Variants in DONSON observed in about 807,000 individuals in gnomAD.
DONSON encodes DNA replication fork stabilization factor DONSON.
Under a neutral mutation model 62.1 loss-of-function variants are expected in DONSON, and 43 were observed. The observed-to-expected ratio is 0.69, with a 90% confidence interval of 0.54 to 0.89. DONSON has a LOEUF of 0.89. Among genes scored for constraint, DONSON ranks in the 40% least tolerant of loss-of-function variants. The pLI is 0.00. For synonymous variants in DONSON, 266 were observed against 264.6 expected, an observed-to-expected ratio of 1.01 and a Z score of -0.05; for missense variants, 696 against 697.5, an observed-to-expected ratio of 1.00 and a Z score of 0.03.
At position 33,578,117 on chromosome 21, in the gene DONSON, CTGAG is replaced by C. The variant is rs2086457145; in HGVS notation, c.*186_*189del. On this transcript the variant is annotated 3_prime_UTR_variant, in exon 10 of 10. Transcript: ENST00000303071. ...GATATAGATATCTCATTTGAGTTAT[CTGAG>C]TTTTTCATCTTTATATCTAAAAATC... is the stretch of plus-strand genomic sequence containing the variant. 1 of 565,226 alleles carries C rather than the reference CTGAG, an allele frequency of 1.8e-6. No individual in the cohort carries two copies. Among genetic ancestry groups the C allele is most frequent in the Admixed American group, 3.4e-5 (1 of 29,462 alleles). The allele number at this position is 565,226 out of a possible 1,614,324, so 35.0% of individuals were successfully genotyped here.
At chr21:33,585,150 A>C (rs960594454) in intron 3 of DONSON, among the ~76,000 whole-genome samples, 3 of 152,158 alleles carry the variant, frequency 2.0e-5, no homozygotes, top group African/African-American at 7.2e-5. Context: ...AAATCATCCT[A>C]ATCTATTTAT....
At position 33,579,581 on chromosome 21, in the gene DONSON, A is replaced by T. The variant is rs756315629; in HGVS notation, c.1351-19T>A. The T allele has an allele frequency of 8.1e-6, 13 of 1,604,204 alleles. No homozygotes were observed. Among genetic ancestry groups the T allele is most frequent in the Non-Finnish European group, 9.4e-6 (11 of 1,172,926 alleles). On this transcript the variant is annotated intron_variant, in intron 8 of 9. Transcript: ENST00000303071. Reference sequence around the variant, plus strand: ...TCCGTGCCTTCATGAAAATGTAAAGAAAAGGAAAATTAAGATCATCTCTCA... The same window carrying T: ...TCCGTGCCTTCATGAAAATGTAAAGTAAAGGAAAATTAAGATCATCTCTCA...
chr21:33,588,385 C>T lies in DONSON; in HGVS notation c.257G>A (p.Arg86Gln). 7.7e-7 allele frequency: 1 copy of T among 1,295,100 alleles called. No individual in the cohort carries two copies. Among genetic ancestry groups the T allele is most frequent in the Non-Finnish European group, 9.7e-7 (1 of 1,026,454 alleles). The allele number at this position is 1,295,100 out of a possible 1,614,324, so 80.2% of individuals were successfully genotyped here. A position where few individuals can be genotyped will look rare whatever the true frequency, so the allele number is the denominator to read the frequency against. ...RRNPFARLDN[R>Q]PRVAAEPPDG... Reference sequence around the variant, plus strand: ...GGGGGGCTCCGCGGCGACCCGCGGTCGGTTGTCCAGGCGGGCGAAGGGGTT... The same window carrying T: ...GGGGGGCTCCGCGGCGACCCGCGGTTGGTTGTCCAGGCGGGCGAAGGGGTT... Residue 86 changes from arginine to glutamine, a missense_variant, in exon 1 of 10, where the codon CGA becomes CAA. Arg to Gln is a conservative substitution (Grantham distance 43). Transcript: ENST00000303071.
chr21:33,584,466 G>T (rs2086556017), intron 4 of DONSON, 124 bp downstream of exon 4: 1 of 937,416 alleles, frequency 1.1e-6, no homozygotes, highest in Non-Finnish European at 1.5e-6. Context: ...AATAGGTTCA[G>T]ATAAAATTCA....
At chr21:33,581,062 A>G (rs1601312752) in intron 8 of DONSON, 2 of 369,674 alleles carry the variant, frequency 5.4e-6, no homozygotes, top group Non-Finnish European at 1.0e-5. Flanking sequence ...CAGCCTGGAT[A>G]GCAGCGCAAG....
Position 33,582,046 on chromosome 21 carries a change from G to A in DONSON, c.1056C>T (p.Ala352=), listed in dbSNP as rs747341854. The A allele has an allele frequency of 6.2e-6, 10 of 1,613,926 alleles. No individual in the cohort carries two copies. Among genetic ancestry groups the A allele is most frequent in the Non-Finnish European group, 8.5e-6 (10 of 1,180,002 alleles). Residue 352 remains alanine, a synonymous_variant, in exon 7 of 10, where the codon GCC becomes GCT. Transcript: ENST00000303071. ...GTSLGYGEEQ[A]ISDEDEEESF... Reference sequence around the variant, plus strand: ...TTTCCTCTTCATCCTCATCACTGATGGCTTGCTCCCTAGGAAATTGCTACA... The same window carrying A: ...TTTCCTCTTCATCCTCATCACTGATAGCTTGCTCCCTAGGAAATTGCTACA...
chr21:33,580,792 G>C (rs1190838519), intron 8 of DONSON, among the ~76,000 whole-genome samples: 1 of 151,982 alleles, frequency 6.6e-6, no homozygotes, highest in East Asian at 1.9e-4. Context: ...TGAGGCAGAA[G>C]AATCGCTTGA....
rs2086431883 is a variant in DONSON, at chr21:33,577,601, CCCTACACACACACACACA to C, written c.*688_*705del. 3.6e-5 allele frequency: 4 copies of C among 111,686 alleles called. No individual in the cohort carries two copies. The highest frequency in any genetic ancestry group is 1.1e-4 in the Admixed American group (1 of 9,482). The allele number at this position is 111,686 out of a possible 1,614,324, so 6.9% of individuals were successfully genotyped here. ...TAAAAATGTGAATTATACAGTCCCC[CCCTACACACACACACACA>C]CACACACACACACACACACACACAC... On this transcript the variant is annotated 3_prime_UTR_variant, in exon 10 of 10. Transcript: ENST00000303071.
At position 33,578,094 on chromosome 21, in the gene DONSON, TATAG is replaced by T. The variant is rs1299038514; in HGVS notation, c.*209_*212del. On this transcript the variant is annotated 3_prime_UTR_variant, in exon 10 of 10. Coordinates refer to ENST00000303071, the MANE Select transcript of DONSON (RefSeq NM_017613.4). ...TCAATATACAATTAGGTTGTAGGGATATAGATATCTCATTTGAGTTATCTGAGTT... is the reference window on the plus strand; with the variant it reads ...TCAATATACAATTAGGTTGTAGGGATATATCTCATTTGAGTTATCTGAGTT... 1 of 491,838 alleles carries T rather than the reference TATAG, an allele frequency of 2.0e-6. No homozygotes were observed. 30.5% of individuals were successfully genotyped at this position (491,838 alleles called of 1,614,324 possible).
At chr21:33,584,792 G>A (rs1206624987) in intron 3 of DONSON, 24 bp from the exon 4 acceptor site, 3 of 1,463,796 alleles carry the variant, frequency 2.0e-6, no homozygotes, top group African/African-American at 1.4e-5. Flanking sequence ...GTGACAGTGG[G>A]CAGTTTTTGC....
In DONSON at chr21:33,579,287, T is replaced by A. The variant is rs558170411; in HGVS notation, c.1563+63A>T. On this transcript the variant is annotated intron_variant, in intron 9 of 9. Transcript: ENST00000303071. ...TAGTGACTCAGCATAAATGACTCAA[T>A]TTCCCTCCAGCTAGTTTGAGGAAAC... is the stretch of plus-strand genomic sequence containing the variant. 1.7e-5 allele frequency: 22 copies of A among 1,301,724 alleles called. No homozygotes were observed. In the East Asian group the frequency reaches 4.0e-4, roughly 24 times the overall value. The allele number at this position is 1,301,724 out of a possible 1,614,324, so 80.6% of individuals were successfully genotyped here. A position where few individuals can be genotyped will look rare whatever the true frequency, so the allele number is the denominator to read the frequency against.
chr21:33,581,205 C>A (rs1422533241), intron 8 of DONSON, 97 bp downstream of exon 8: 1 of 1,151,186 alleles, frequency 8.7e-7, no homozygotes. Flanking sequence ...AAAATATGTA[C>A]CAAGTAAAAA....
At chr21:33,581,208 A>C in intron 8 of DONSON, 94 bp downstream of exon 8, 2 of 1,207,890 alleles carry the variant, frequency 1.7e-6, no homozygotes, top group Non-Finnish European at 2.3e-6. Context: ...ATATGTACCA[A>C]GTAAAAATGC....
At chr21:33,585,228 A>ATTTTT (rs2086564094) in intron 3 of DONSON, among the ~76,000 whole-genome samples, 1 of 152,066 alleles carries the variant, frequency 6.6e-6, no homozygotes, top group African/African-American at 2.4e-5. Context: ...TGAGACTTTA[A>ATTTTT]AAAAATTTTT....
intron 8 of DONSON, among the ~76,000 whole-genome samples, chr21:33,580,419 C>G (rs1342539617): frequency 1.0e-5 from 1 of 95,444 alleles, no homozygotes; most frequent in Non-Finnish European, 2.0e-5. Flanking sequence ...AAAAAATTAG[C>G]CAGGCGTGGT....
chr21:33,579,315 C>A, intron 9 of DONSON, 35 bp downstream of exon 9: 2 of 1,454,560 alleles, frequency 1.4e-6, no homozygotes, highest in Non-Finnish European at 9.2e-7. Flanking sequence ...GAGGAAACTA[C>A]AACTAAAACA....
intron 8 of DONSON, among the ~76,000 whole-genome samples, chr21:33,580,584 C>T (rs2086496745): frequency 6.8e-6 from 1 of 147,634 alleles, no homozygotes; most frequent in African/African-American, 2.5e-5. Flanking sequence ...GTTGAGGCTG[C>T]AGTGAGCTGT....
chr21:33,582,333 T>A, intron 5 of DONSON, 87 bp from the exon 6 acceptor site: 1 of 1,104,540 alleles, frequency 9.1e-7, no homozygotes, highest in Non-Finnish European at 1.3e-6. Context: ...AAATTTGAAA[T>A]GTTAGTTTTT....
At chr21:33,585,226 TA>T (rs1252418348) in intron 3 of DONSON, among the ~76,000 whole-genome samples, 1 of 152,090 alleles carries the variant, frequency 6.6e-6, no homozygotes, top group African/African-American at 2.4e-5. Flanking sequence ...TTTGAGACTT[TA>T]AAAAAATTTT....
Sources: allele counts gnomAD v4.1 joint callset (sites outside exome capture counted in the v4.1 genomes callset), GRCh38; gene constraint gnomAD v4.1.1; transcripts MANE v1.5; gene names NCBI Gene and HGNC (gene_info 2026-07-23, HGNC 2026-07-21).